Variants in NEK1 observed in about 807,000 individuals in gnomAD.
NEK1 encodes NIMA related kinase 1.
A neutral mutation model predicts 182.1 loss-of-function variants in NEK1; 137 were observed. The ratio of observed to expected loss-of-function variants is 0.75; its 90% CI spans 0.65 to 0.87. The LOEUF is 0.87. NEK1 is among the 40% of genes least tolerant of loss of function. The pLI, the probability that NEK1 is intolerant of heterozygous loss-of-function variation, is 0.00. For synonymous variants in NEK1, 513 were observed against 492.2 expected (o/e 1.04, Z -0.56); for missense variants, 1,391 against 1,494.4 (o/e 0.93, Z 1.14).
chr4:169,463,388 T>C lies in NEK1; in HGVS notation c.2442A>G (p.Thr814=). 1.3e-6 allele frequency: 2 copies of C among 1,597,906 alleles called. No individual in the cohort carries two copies. The highest frequency in any genetic ancestry group is 1.7e-6 in the Non-Finnish European group (2 of 1,171,266). Residue 814 remains threonine, a synonymous_variant, in exon 27 of 36, where the codon ACA becomes ACG. Coordinates refer to ENST00000507142, the MANE Select transcript of NEK1 (RefSeq NM_001199397.3). ...GACCTAATTTAATAACTTCTCCCAC[T>C]GTATGTCCTATAAGAAAAATATACA... The part of the protein sequence containing the change: ...DTSFSTTERH[T]VGEVIKLGPN...
At chr4:169,405,208 T>C (rs6827421) in intron 32 of NEK1, among the ~76,000 whole-genome samples, 54,165 of 152,020 alleles carry the variant, frequency 0.36, 10,043 homozygotes, top group South Asian at 0.46. Flanking sequence ...ACCTAGTCAG[T>C]ATAGCTAACT....
intron 20 of NEK1, 142 bp from the exon 21 acceptor site, chr4:169,508,473 GTAA>G: frequency 1.6e-6 from 1 of 606,944 alleles, no homozygotes; most frequent in South Asian, 3.1e-5. Flanking sequence ...TAATGGAAAT[GTAA>G]TATTAGCTTT....
chr4:169,512,683 T>C (rs1416736026), intron 19 of NEK1, among the ~76,000 whole-genome samples: 1 of 152,076 alleles, frequency 6.6e-6, no homozygotes, highest in Non-Finnish European at 1.5e-5. Flanking sequence ...ACTCTTTGCC[T>C]AGTACTAGGT....
At chr4:169,597,316 T>C (rs1051227676) in intron 5 of NEK1, among the ~76,000 whole-genome samples, 3 of 152,120 alleles carry the variant, frequency 2.0e-5, no homozygotes, top group Non-Finnish European at 4.4e-5. Flanking sequence ...CTCAAACCCA[T>C]GTCTGTGCCT....
At chr4:169,531,442 T>C (rs1006160686) in intron 19 of NEK1, among the ~76,000 whole-genome samples, 1 of 150,160 alleles carries the variant, frequency 6.7e-6, no homozygotes, top group African/African-American at 2.4e-5. Context: ...TGTGAGAAAT[T>C]TGAAAATATA....
At chr4:169,419,872 A>G (rs1735176352) in intron 31 of NEK1, among the ~76,000 whole-genome samples, 2 of 152,176 alleles carry the variant, frequency 1.3e-5, no homozygotes, top group South Asian at 4.2e-4. Flanking sequence ...AGGTATAGTC[A>G]AAATACCATA....
At chr4:169,592,349 T>C (rs1289723887) in intron 5 of NEK1, among the ~76,000 whole-genome samples, 1 of 152,154 alleles carries the variant, frequency 6.6e-6, no homozygotes, top group African/African-American at 2.4e-5. Flanking sequence ...TGATTAAATA[T>C]ATTGTATGAT....
chr4:169,583,978 T>C (rs1226108923), intron 10 of NEK1, among the ~76,000 whole-genome samples: 1 of 152,212 alleles, frequency 6.6e-6, no homozygotes, highest in Non-Finnish European at 1.5e-5. Context: ...TCCATGAGCA[T>C]ATAAAACTAA....
intron 2 of NEK1, among the ~76,000 whole-genome samples, chr4:169,604,933 G>A (rs1238781965): frequency 6.6e-6 from 1 of 152,076 alleles, no homozygotes; most frequent in Non-Finnish European, 1.5e-5. Flanking sequence ...AGCCCAAGTT[G>A]TGTTAACTGG....
chr4:169,449,240 A>T (rs527663055), intron 27 of NEK1, among the ~76,000 whole-genome samples: 1 of 152,354 alleles, frequency 6.6e-6, no homozygotes, highest in East Asian at 1.9e-4. Flanking sequence ...ATAGCTGAAC[A>T]AAAGGCAGCA....
intron 18 of NEK1, among the ~76,000 whole-genome samples, chr4:169,541,994 T>C (rs1194030681): frequency 6.6e-6 from 1 of 152,134 alleles, no homozygotes; most frequent in Non-Finnish European, 1.5e-5. Context: ...CCTTTAACCA[T>C]GATTTCTTTA....
At chr4:169,482,755 G>C (rs1037869016) in intron 23 of NEK1, among the ~76,000 whole-genome samples, 2 of 151,904 alleles carry the variant, frequency 1.3e-5, no homozygotes, top group Admixed American at 1.3e-4. Flanking sequence ...TCCTGCCTCA[G>C]CCTCCTGAGT....
At position 169,424,162 on chromosome 4, in the gene NEK1, T is replaced by C. The variant is rs538878766; in HGVS notation, c.3222+391A>G. ...CGAAAAACTTCTACCAGAAAGTGCA[T>C]ATGAATATCTCTTAATGTTTTTATA... On this transcript the variant is annotated intron_variant, in intron 31 of 35. Coordinates refer to ENST00000507142, the MANE Select transcript of NEK1 (RefSeq NM_001199397.3). Among the ~76,000 whole-genome samples, 232 of 152,300 alleles carry C rather than the reference T, an allele frequency of 1.5e-3. 1 individual carries two copies. Among genetic ancestry groups the C allele is most frequent in the African/African-American group, 3.8e-3 (159 of 41,574 alleles).
At chr4:169,494,372 T>C (rs185898701) in intron 23 of NEK1, among the ~76,000 whole-genome samples, 3 of 152,296 alleles carry the variant, frequency 2.0e-5, no homozygotes, top group African/African-American at 7.2e-5. Flanking sequence ...CTTGTGATAG[T>C]TTGCTGAGAA....
chr4:169,463,411 AC>A lies in NEK1; in HGVS notation c.2435-17del. 6.4e-7 allele frequency: 1 copy of A among 1,572,336 alleles called. No homozygotes were observed. The highest frequency in any genetic ancestry group is 1.7e-4 in the Middle Eastern group (1 of 5,910). ...ACTGTATGTCCTATAAGAAAAATATACAAAGAAACAATTTTCAATAACAGTA... is the reference window on the plus strand; with the variant it reads ...ACTGTATGTCCTATAAGAAAAATATAAAAGAAACAATTTTCAATAACAGTA... On this transcript the variant is annotated splice_polypyrimidine_tract_variant and intron_variant, in intron 26 of 35. Coordinates refer to ENST00000507142, the MANE Select transcript of NEK1 (RefSeq NM_001199397.3).
At chr4:169,561,420 G>C (rs1762882905) in intron 16 of NEK1, 60 bp downstream of exon 16, 5 of 1,415,106 alleles carry the variant, frequency 3.5e-6, no homozygotes, top group African/African-American at 2.8e-5. Context: ...GCATTTTATA[G>C]AACAAGGTGG....
intron 16 of NEK1, among the ~76,000 whole-genome samples, chr4:169,558,840 A>G (rs1346738486): frequency 2.0e-5 from 3 of 152,194 alleles, no homozygotes; most frequent in Non-Finnish European, 4.4e-5. Context: ...TCTTATTTAG[A>G]AGTACGTAAT....
intron 27 of NEK1, among the ~76,000 whole-genome samples, chr4:169,460,282 G>A (rs543901642): frequency 2.0e-4 from 31 of 151,818 alleles, no homozygotes; most frequent in Admixed American, 2.0e-4. Flanking sequence ...GAGGCGTCAC[G>A]ATCATGGCAG....
chr4:169,394,057 A>C lies in NEK1; in HGVS notation c.*453T>G, dbSNP rs559783226. 1 of 154,430 alleles carries C rather than the reference A, an allele frequency of 6.5e-6. No individual in the cohort carries two copies. The highest frequency in any genetic ancestry group is 1.4e-5 in the Non-Finnish European group (1 of 69,472). The allele number at this position is 154,430 out of a possible 1,614,324, so 9.6% of individuals were successfully genotyped here. A position where few individuals can be genotyped will look rare whatever the true frequency, so the allele number is the denominator to read the frequency against. ...CCTTGACAAGGTGATTTAATGTAGA[A>C]CTGCTGGCCAGAATGAAAACAAGTA... On this transcript the variant is annotated 3_prime_UTR_variant, in exon 36 of 36. Transcript: ENST00000507142.
Sources: gnomAD v4.1 joint callset for allele counts (sites outside exome capture counted in the v4.1 genomes callset) on GRCh38, gnomAD v4.1.1 for gene constraint, MANE v1.5 for transcripts, NCBI Gene and HGNC (gene_info 2026-07-23, HGNC 2026-07-21) for gene names.